Variants in C17orf78 observed in about 807,000 individuals in gnomAD.
C17orf78 encodes chromosome 17 open reading frame 78.
A neutral mutation model predicts 31.8 loss-of-function variants in C17orf78; 27 were observed. That is an observed-to-expected ratio of 0.85 (90% CI 0.63 to 1.17). C17orf78 has a LOEUF of 1.17. Among genes scored for constraint, C17orf78 ranks in the 50% most tolerant of loss-of-function variants. The pLI is 0.00. For missense variants in C17orf78, 258 were observed against 315.2 expected, an observed-to-expected ratio of 0.82 and a Z score of 1.37; for synonymous variants, 106 against 115.1, an observed-to-expected ratio of 0.92 and a Z score of 0.51.
At chr17:37,384,399 T>C (rs2050437166) in intron 3 of C17orf78, among the ~76,000 whole-genome samples, 1 of 152,256 alleles carries the variant, frequency 6.6e-6, no homozygotes, top group Admixed American at 6.5e-5. Context: ...TGGAGACAGA[T>C]GACTCATTAG....
chr17:37,389,645 C>T (rs924566436), intron 6 of C17orf78, among the ~76,000 whole-genome samples: 1 of 151,658 alleles, frequency 6.6e-6, no homozygotes, highest in Admixed American at 6.6e-5. Flanking sequence ...CGAGATTGTG[C>T]CATTGTACTC....
At chr17:37,390,316 A>ATAT (rs1555672313) in intron 6 of C17orf78, among the ~76,000 whole-genome samples, 8 of 50,618 alleles carry the variant, frequency 1.6e-4, no homozygotes, top group East Asian at 1.5e-3. Context: ...ATATATATAT[A>ATAT]TATATATATA....
chr17:37,388,658 T>C lies in C17orf78; in HGVS notation c.509-12T>C, dbSNP rs752801792. The C allele has an allele frequency of 6.2e-7, 1 of 1,610,734 alleles. No homozygotes were observed. Among genetic ancestry groups the C allele is most frequent in the Non-Finnish European group, 8.5e-7 (1 of 1,177,862 alleles). On this transcript the variant is annotated splice_polypyrimidine_tract_variant and intron_variant, in intron 4 of 6. Coordinates refer to ENST00000615133, the MANE Select transcript of C17orf78 (RefSeq NM_173625.5). ...TTCTTTTCTCCCTCTTCCACTCCCC[T>C]CTCTCCTTTAGACACAGATGAGAAC...
At chr17:37,388,211 G>C (rs1384368629) in intron 4 of C17orf78, among the ~76,000 whole-genome samples, 1 of 152,088 alleles carries the variant, frequency 6.6e-6, no homozygotes, top group Non-Finnish European at 1.5e-5. Flanking sequence ...CCCAGAAGCA[G>C]TGCTAATTTT....
chr17:37,378,859 C>G (rs757968172), intron 2 of C17orf78, among the ~76,000 whole-genome samples: 2 of 152,030 alleles, frequency 1.3e-5, no homozygotes, highest in African/African-American at 2.4e-5. Flanking sequence ...CCCAGGAGTT[C>G]GAGACCAGCT....
intron 3 of C17orf78, among the ~76,000 whole-genome samples, chr17:37,381,708 A>G (rs2050274089): frequency 6.7e-6 from 1 of 149,802 alleles, no homozygotes; most frequent in South Asian, 2.1e-4. Flanking sequence ...GCTCACTGCA[A>G]GCTCCGCCTC....
chr17:37,392,621 T>C lies in C17orf78; in HGVS notation c.*897T>C, dbSNP rs1467636260. ...ACCATTCCATTTCATTTTGGTGAAATGTGTCTGTTTCTAAGAAATTCTGTT... is the reference window on the plus strand; with the variant it reads ...ACCATTCCATTTCATTTTGGTGAAACGTGTCTGTTTCTAAGAAATTCTGTT... On this transcript the variant is annotated 3_prime_UTR_variant, in exon 7 of 7. Coordinates refer to ENST00000615133, the MANE Select transcript of C17orf78 (RefSeq NM_173625.5). 6.6e-6 allele frequency: 1 copy of C among 152,028 alleles called. No homozygotes were observed. Among genetic ancestry groups the C allele is most frequent in the Non-Finnish European group, 1.5e-5 (1 of 68,010 alleles). The allele number at this position is 152,028 out of a possible 1,614,324, so 9.4% of individuals were successfully genotyped here.
chr17:37,381,732 A>G (rs1341668497), intron 3 of C17orf78, among the ~76,000 whole-genome samples: 3 of 145,766 alleles, frequency 2.1e-5, no homozygotes, highest in Non-Finnish European at 3.0e-5. Context: ...GGTTCACGCC[A>G]TTCTCCTGCC....
Position 37,390,330 on chromosome 17 carries a change from A to ATACATATATATATATATATC in C17orf78, c.750+970_750+971insCATATATATATATATATCTA, listed in dbSNP as rs2050815584. ...TATATATATATATATATATATATAT[A>ATACATATATATATATATATC]TATAAAAGGCCAGCTGGGCCGGGCA... On this transcript the variant is annotated intron_variant, in intron 6 of 6. Coordinates refer to ENST00000615133, the MANE Select transcript of C17orf78 (RefSeq NM_173625.5). Among the ~76,000 whole-genome samples, 223 of 41,568 alleles carry ATACATATATATATATATATC rather than the reference A, an allele frequency of 5.4e-3. 6 individuals are homozygous for ATACATATATATATATATATC. The highest frequency in any genetic ancestry group is 6.7e-3 in the Non-Finnish European group (180 of 26,750). The allele number at this position is 41,568 out of a possible 152,430, so 27.3% of individuals were successfully genotyped here.
chr17:37,376,581 TG>T (rs1247348754), intron 1 of C17orf78, among the ~76,000 whole-genome samples: 2 of 152,210 alleles, frequency 1.3e-5, no homozygotes, highest in Non-Finnish European at 2.9e-5. Context: ...TTGGGTGGAA[TG>T]GCATCATTTG....
chr17:37,377,865 C>A lies in C17orf78; in HGVS notation c.59-14C>A, dbSNP rs1184007185. 1.2e-6 allele frequency: 2 copies of A among 1,608,124 alleles called. No individual in the cohort carries two copies. Among genetic ancestry groups the A allele is most frequent in the Admixed American group, 1.7e-5 (1 of 59,714 alleles). ...CTTCCCCGGTTCCCCTCCTCCCCCT[C>A]TGCTCACCCCCAGACCTCAGAGATA... On this transcript the variant is annotated splice_polypyrimidine_tract_variant and intron_variant, in intron 1 of 6. Coordinates refer to ENST00000615133, the MANE Select transcript of C17orf78 (RefSeq NM_173625.5).
chr17:37,380,159 G>C (rs150412647), intron 3 of C17orf78, among the ~76,000 whole-genome samples: 1,942 of 151,728 alleles, frequency 0.013, 41 homozygotes, highest in African/African-American at 0.043. Flanking sequence ...ATCATTCTCA[G>C]TAAACTATCA....
chr17:37,377,905 G>A lies in C17orf78; in HGVS notation c.85G>A (p.Glu29Lys). The change falls in exon 2 of 7, where the codon GAA (glutamate) becomes AAA (lysine). Residue 29 changes from glutamate to lysine, a missense_variant. By Grantham distance (56) the Glu-to-Lys change is moderately conservative. Coordinates refer to ENST00000615133, the MANE Select transcript of C17orf78 (RefSeq NM_173625.5). ...KDLRDSSCRL[E>K]QLPGIFPKDV... ...CCTCAGAGATAGCAGTTGCCGACTG[G>A]AACAGCTGCCTGGGATCTTCCCAAA... The A allele has an allele frequency of 6.2e-7, 1 of 1,613,654 alleles. No individual in the cohort carries two copies. The highest frequency in any genetic ancestry group is 8.5e-7 in the Non-Finnish European group (1 of 1,179,810).
At chr17:37,379,025 T>C (rs1186638295) in intron 2 of C17orf78, 112 bp from the exon 3 acceptor site, 2 of 1,296,796 alleles carry the variant, frequency 1.5e-6, no homozygotes, top group Admixed American at 2.7e-5. Context: ...TGAGCCATGA[T>C]TGCGACACTG....
chr17:37,388,473 G>A (rs1163279314), intron 4 of C17orf78, among the ~76,000 whole-genome samples, 197 bp from the exon 5 acceptor site: 1 of 150,650 alleles, frequency 6.6e-6, no homozygotes, highest in Non-Finnish European at 1.5e-5. Context: ...AAAGAAGTTA[G>A]AGCAGAGCCC....
rs1283793161 is a variant in C17orf78, at chr17:37,391,722, T to G, written c.826T>G (p.Ter276GlyextTer9). 9 of 1,612,996 alleles carry G rather than the reference T, an allele frequency of 5.6e-6. No homozygotes were observed. In the Admixed American group the frequency reaches 1.2e-4, roughly 21 times the overall value. ...CACTGTTATCCACCAGACATACTTC[T>G]GAAAAGTTCTGCTCTATCTCAAAGA... ...EITVIHQTYF[*>G] The change falls in exon 7 of 7, where the codon TGA becomes GGA. Residue 276 changes from the stop codon to glycine, a stop_lost. Transcript: ENST00000615133.
At chr17:37,381,392 G>C (rs2050251285) in intron 3 of C17orf78, among the ~76,000 whole-genome samples, 1 of 151,810 alleles carries the variant, frequency 6.6e-6, no homozygotes, top group Non-Finnish European at 1.5e-5. Flanking sequence ...CACCATGTTG[G>C]CCAGGCTAGT....
At chr17:37,390,841 G>C (rs529630775) in intron 6 of C17orf78, among the ~76,000 whole-genome samples, 2 of 151,924 alleles carry the variant, frequency 1.3e-5, no homozygotes, top group Non-Finnish European at 2.9e-5. Context: ...GAAGAAATAG[G>C]CCTGAAGGGA....
At chr17:37,378,173 T>G (rs78286030) in intron 2 of C17orf78, among the ~76,000 whole-genome samples, 1 of 152,176 alleles carries the variant, frequency 6.6e-6, no homozygotes, top group Admixed American at 6.5e-5. Context: ...TGGATGGAGA[T>G]GAAAAAAGAG....
Sources: allele counts gnomAD v4.1 joint callset (sites outside exome capture counted in the v4.1 genomes callset), GRCh38; gene constraint gnomAD v4.1.1; transcripts MANE v1.5; gene names NCBI Gene and HGNC (gene_info 2026-07-23, HGNC 2026-07-21).